The following CDK11A variants were observed in gnomAD, a reference collection of about 807,000 sequenced individuals.
The protein encoded by CDK11A is cyclin-dependent kinase 11A.
A neutral mutation model predicts 83.6 loss-of-function variants in CDK11A; 55 were observed. That is an observed-to-expected ratio of 0.66 (90% CI 0.53 to 0.82). CDK11A has a LOEUF of 0.82. CDK11A is among the 40% of genes least tolerant of loss of function. CDK11A has a pLI of 0.00. For missense variants in CDK11A, 564 were observed against 810.1 expected, an observed-to-expected ratio of 0.70 and a Z score of 3.69; for synonymous variants, 247 against 302.7, an observed-to-expected ratio of 0.82 and a Z score of 1.91.
At position 1,703,172 on chromosome 1, in the gene CDK11A, A is replaced by G; in HGVS notation, c.2158T>C (p.Phe720Leu). The part of the protein sequence containing the change: ...ETPLPIDPSM[F>L]PTWPAKSEQQ... ...TCGCTCTTGGCGGGCCACGTGGGGA[A>G]CATGGAGGGGTCGATGGGGAGGGGG... Residue 720 changes from phenylalanine (F) to leucine (L), a missense_variant, in exon 19 of 20, where the codon TTC becomes CTC. Around this residue, in one of 5 missense-constraint regions of CDK11A, gnomAD observed 361 missense variants for 402.7 expected, o/e 0.90. Transcript: ENST00000404249. 2.5e-6 allele frequency: 1 copy of G among 398,644 alleles called. No individual in the cohort carries two copies. The highest frequency in any genetic ancestry group is 2.4e-5 in the South Asian group (1 of 42,400). 24.7% of individuals were successfully genotyped at this position (398,644 alleles called of 1,614,324 possible). A position where few individuals can be genotyped will look rare whatever the true frequency, so the allele number is the denominator to read the frequency against.
rs1400220521 is a variant in CDK11A, at chr1:1,721,703, G to T, written c.120C>A (p.Asp40Glu). The T allele has an allele frequency of 1.9e-6, 3 of 1,580,462 alleles. 1 individual carries two copies. Among genetic ancestry groups the T allele is most frequent in the Non-Finnish European group, 2.6e-6 (3 of 1,150,522 alleles). Residue 40 changes from aspartate (D) to glutamate (E), a missense_variant, in exon 3 of 20, where the codon GAC becomes GAA. Transcript: ENST00000404249. ...AEIKRLKNSDDRDSKRDSLEE... is the reference protein window; with the variant it reads ...AEIKRLKNSDERDSKRDSLEE... The stretch of plus-strand genomic sequence containing the variant: ...CAAGGGAATCCCGCTTGGAATCCCG[G>T]TCATCAGACTAAGAAGCAAAGAGAA...
Position 1,704,884 on chromosome 1 carries a change from C to T in CDK11A, c.1458+20G>A, listed in dbSNP as rs543780604. On this transcript the variant is annotated intron_variant, in intron 13 of 19. Coordinates refer to ENST00000404249, the MANE Select transcript of CDK11A (RefSeq NM_024011.4). ...GAAAAGCCTTCCACCCGGGGCCAGG[C>T]GTGGTGGGGCCATGCTCACTCTAAC... 57 of 1,606,288 alleles carry T rather than the reference C, an allele frequency of 3.5e-5. 2 individuals are homozygous for T. Among genetic ancestry groups the T allele is most frequent in the African/African-American group, 8.2e-5 (6 of 73,352 alleles).
At chr1:1,719,550 A>T in intron 3 of CDK11A, 95 bp from the exon 4 acceptor site, 2 of 973,660 alleles carry the variant, frequency 2.1e-6, no homozygotes, top group Admixed American at 3.3e-5. Flanking sequence ...AAAATGCATG[A>T]TTCAGATAGG....
chr1:1,721,093 T>A (rs1488260885), intron 3 of CDK11A, among the ~76,000 whole-genome samples: 2 of 150,696 alleles, frequency 1.3e-5, no homozygotes, highest in South Asian at 4.2e-4. Flanking sequence ...GCCAGGAGGC[T>A]GAGGCAGGAG....
At chr1:1,703,049 G>A in intron 19 of CDK11A, 31 bp downstream of exon 19, 1 of 405,430 alleles carries the variant, frequency 2.5e-6, no homozygotes, top group Non-Finnish European at 4.2e-6. Flanking sequence ...AGCCCCACCT[G>A]TGGGCACGCC....
At chr1:1,718,111 T>C (rs1228705210) in intron 4 of CDK11A, among the ~76,000 whole-genome samples, 2 of 146,532 alleles carry the variant, frequency 1.4e-5, no homozygotes, top group Non-Finnish European at 3.0e-5. Context: ...TTGCTCTTTC[T>C]GGTTTTCGGT....
In CDK11A at chr1:1,716,485, A is replaced by G; in HGVS notation, c.356-7T>C. Reference sequence around the variant, plus strand: ...TTCACTCTAGCATGCTTCCCTAATGAGAAATAAAGTGTCATGCAAAGAAAC... The same window carrying G: ...TTCACTCTAGCATGCTTCCCTAATGGGAAATAAAGTGTCATGCAAAGAAAC... On this transcript the variant is annotated splice_polypyrimidine_tract_variant and splice_region_variant and intron_variant, in intron 4 of 19. Coordinates refer to ENST00000404249, the MANE Select transcript of CDK11A (RefSeq NM_024011.4). 1 of 1,606,806 alleles carries G rather than the reference A, an allele frequency of 6.2e-7. No homozygotes were observed. Among genetic ancestry groups the G allele is most frequent in the South Asian group, 1.1e-5 (1 of 90,650 alleles).
chr1:1,706,381 T>C (rs1186816174), intron 11 of CDK11A, among the ~76,000 whole-genome samples: 1 of 151,166 alleles, frequency 6.6e-6, no homozygotes, highest in Middle Eastern at 3.2e-3. Context: ...CCAAAACTCT[T>C]CTCTACAAAA....
chr1:1,723,200 T>C (rs999429886), intron 1 of CDK11A, among the ~76,000 whole-genome samples: 1 of 40,424 alleles, frequency 2.5e-5, no homozygotes, highest in African/African-American at 7.4e-5. Context: ...ACTGCGCCAC[T>C]GCACTCCAGC....
intron 4 of CDK11A, among the ~76,000 whole-genome samples, chr1:1,718,075 GACAC>G (rs1159635774): frequency 7.0e-6 from 1 of 142,672 alleles, no homozygotes; most frequent in African/African-American, 2.6e-5. Flanking sequence ...AATGGTCTGT[GACAC>G]ACGCACGCTT....
At position 1,704,247 on chromosome 1, in the gene CDK11A, C is replaced by T; in HGVS notation, c.1662G>A (p.Leu554=). The T allele has an allele frequency of 6.2e-7, 1 of 1,608,546 alleles. No individual in the cohort carries two copies. The highest frequency in any genetic ancestry group is 8.5e-7 in the Non-Finnish European group (1 of 1,176,776). Reference sequence around the variant, plus strand: ...CCTTGAGGATGCCGGCGTGGCTCAGCAGCAGGTTGGACGTCTTGAGGTCAC... The same window carrying T: ...CCTTGAGGATGCCGGCGTGGCTCAGTAGCAGGTTGGACGTCTTGAGGTCAC... ...LHRDLKTSNL[L]LSHAGILKVG... is the part of the protein sequence containing the mutation. Residue 554 remains leucine, a synonymous_variant, in exon 15 of 20, where the codon CTG becomes CTA. Coordinates refer to ENST00000404249, the MANE Select transcript of CDK11A (RefSeq NM_024011.4).
chr1:1,704,345 C>G lies in CDK11A; in HGVS notation c.1565-1G>C, dbSNP rs1357645052. 4 of 1,607,374 alleles carry G rather than the reference C, an allele frequency of 2.5e-6. No individual in the cohort carries two copies. Among genetic ancestry groups the G allele is most frequent in the Admixed American group, 3.4e-5 (2 of 59,618 alleles). The stretch of plus-strand genomic sequence containing the variant: ...TGGATCATCAGGGTCTTCACCTCCC[C>G]TGGGAGGGAGGGAGGCTCCCATGTG... On this transcript the variant is annotated splice_acceptor_variant, in intron 14 of 19. Coordinates refer to ENST00000404249, the MANE Select transcript of CDK11A (RefSeq NM_024011.4). LOFTEE classifies it high-confidence loss of function.
intron 3 of CDK11A, among the ~76,000 whole-genome samples, chr1:1,721,246 A>T (rs1401338731): frequency 6.7e-6 from 1 of 150,022 alleles, no homozygotes; most frequent in Non-Finnish European, 1.5e-5. Flanking sequence ...CACTGAGCAC[A>T]CTGTCACAGT....
chr1:1,706,009 A>C (rs551620157), intron 11 of CDK11A, among the ~76,000 whole-genome samples: 1 of 150,842 alleles, frequency 6.6e-6, no homozygotes, highest in South Asian at 2.1e-4. Flanking sequence ...TTGGGAGGGC[A>C]AGGCAGGAGG....
chr1:1,721,564 G>A (rs1325202855), intron 3 of CDK11A, 32 bp downstream of exon 3: 1 of 1,595,204 alleles, frequency 6.3e-7, no homozygotes, highest in Admixed American at 1.7e-5. Flanking sequence ...GCTGTGTACA[G>A]TTGGGTCTTG....
Position 1,716,402 on chromosome 1 carries a change from C to T in CDK11A, c.432G>A (p.Arg144=). Residue 144 remains arginine (R), a synonymous_variant, in exon 5 of 20, where the codon CGG becomes CGA. Transcript: ENST00000404249. Reference sequence around the variant, plus strand: ...CCCTTCTCTTCTGTCTTTCCCATTCCCGGCGAGCTTTATCCTGTTCTTCTC... The same window carrying T: ...CCCTTCTCTTCTGTCTTTCCCATTCTCGGCGAGCTTTATCCTGTTCTTCTC... ...RHREEQDKAR[R]EWERQKRREM... 1 of 1,608,922 alleles carries T rather than the reference C, an allele frequency of 6.2e-7. No individual in the cohort carries two copies. The highest frequency in any genetic ancestry group is 1.7e-4 in the Middle Eastern group (1 of 6,032).
chr1:1,712,092 C>T (rs1265503218), intron 6 of CDK11A, among the ~76,000 whole-genome samples, 172 bp downstream of exon 6: 30 of 95,558 alleles, frequency 3.1e-4, no homozygotes, highest in African/African-American at 8.5e-4. Context: ...ATCGCGCCAC[C>T]GCACTCCAGC....
At chr1:1,706,361 C>T (rs1644310724) in intron 11 of CDK11A, among the ~76,000 whole-genome samples, 1 of 151,382 alleles carries the variant, frequency 6.6e-6, no homozygotes, top group Non-Finnish European at 1.5e-5. Context: ...GCGTGAGCCA[C>T]TGTGCCTGGC....
rs752962338 is a variant in CDK11A, at chr1:1,704,375, C to T, written c.1565-31G>A. 258 of 1,605,100 alleles carry T rather than the reference C, an allele frequency of 1.6e-4. 9 individuals are homozygous for T. Among genetic ancestry groups the T allele is most frequent in the Admixed American group, 2.9e-4 (17 of 59,276 alleles). On this transcript the variant is annotated intron_variant, in intron 14 of 19. Transcript: ENST00000404249. ...AGGGAGGGAGGCTCCCATGTGGACCCGGCCGCCCCAAGCCCAGGGCACTCA... is the reference window on the plus strand; with the variant it reads ...AGGGAGGGAGGCTCCCATGTGGACCTGGCCGCCCCAAGCCCAGGGCACTCA...
Sources: allele counts gnomAD v4.1 joint callset (sites outside exome capture counted in the v4.1 genomes callset), GRCh38; gene constraint gnomAD v4.1.1; regional missense constraint gnomAD v4.1.1; transcripts MANE v1.5; gene names NCBI Gene and HGNC (gene_info 2026-07-23, HGNC 2026-07-21).